LRFN5: variants seen among roughly 807,000 people sequenced by gnomAD.
LRFN5 encodes leucine rich repeat and fibronectin type III domain containing 5, also known as leucine-rich repeat and fibronectin type-III domain-containing protein 5.
LRFN5 carries 24 observed loss-of-function variants against 45.6 expected under a neutral mutation model. That is an observed-to-expected ratio of 0.53 (90% CI 0.38 to 0.74). The LOEUF (loss-of-function observed/expected upper bound fraction) is 0.74. Among genes scored for constraint, LRFN5 ranks in the 30% least tolerant of loss-of-function variants. The pLI is 0.00. For missense variants in LRFN5, 776 were observed against 861.5 expected, an observed-to-expected ratio of 0.90 and a Z score of 1.24; for synonymous variants, 340 against 313.8, an observed-to-expected ratio of 1.08 and a Z score of -0.88.
intron 3 of LRFN5, 144 bp from the exon 4 acceptor site, chr14:41,891,106 T>A (rs554776302): frequency 1.4e-6 from 1 of 700,482 alleles, no homozygotes; most frequent in Non-Finnish European, 2.4e-6. Context: ...TCAGTAAATA[T>A]GAGATTAGAT....
chr14:41,655,592 T>TC, intron 1 of LRFN5, among the ~76,000 whole-genome samples: 1 of 152,154 alleles, frequency 6.6e-6, no homozygotes, highest in South Asian at 2.1e-4. Flanking sequence ...AGTGACACCA[T>TC]CTGACATGGT....
At chr14:41,901,580 G>A (rs922829496) in intron 5 of LRFN5, among the ~76,000 whole-genome samples, 3 of 151,844 alleles carry the variant, frequency 2.0e-5, no homozygotes, top group African/African-American at 7.3e-5. Flanking sequence ...TTAATAACAA[G>A]CAAAAGTGTA....
intron 4 of LRFN5, among the ~76,000 whole-genome samples, chr14:41,898,397 A>T (rs1307907531): frequency 6.6e-6 from 1 of 152,106 alleles, no homozygotes; most frequent in Admixed American, 6.6e-5. Flanking sequence ...ACAAACAGGT[A>T]CTTGTTAAAA....
chr14:41,633,767 CAG>C (rs1888630735), intron 1 of LRFN5, among the ~76,000 whole-genome samples: 1 of 151,958 alleles, frequency 6.6e-6, no homozygotes, highest in Admixed American at 6.6e-5. Context: ...TTTTAAAAAA[CAG>C]TATAAAATAA....
At chr14:41,833,137 G>C (rs1282115385) in intron 2 of LRFN5, among the ~76,000 whole-genome samples, 2 of 152,116 alleles carry the variant, frequency 1.3e-5, no homozygotes, top group African/African-American at 2.4e-5. Flanking sequence ...GATAAGCCTT[G>C]ATAAGTAGAA....
intron 2 of LRFN5, among the ~76,000 whole-genome samples, chr14:41,773,223 C>T (rs1487373230): frequency 1.3e-5 from 2 of 152,168 alleles, no homozygotes; most frequent in East Asian, 3.9e-4. Context: ...CATATAATGT[C>T]ACCTCCCACC....
chr14:41,764,490 A>T (rs533531389), intron 1 of LRFN5, among the ~76,000 whole-genome samples: 1 of 152,174 alleles, frequency 6.6e-6, no homozygotes, highest in South Asian at 2.1e-4. Flanking sequence ...TCTCTGGGAA[A>T]TTATAATTTA....
intron 1 of LRFN5, among the ~76,000 whole-genome samples, chr14:41,662,342 T>C (rs1880694212): frequency 6.6e-6 from 1 of 152,000 alleles, no homozygotes; most frequent in Admixed American, 6.6e-5. Flanking sequence ...TTCGGGACTA[T>C]TAACTTAGAA....
intron 2 of LRFN5, among the ~76,000 whole-genome samples, chr14:41,858,888 A>G (rs1326017767): frequency 6.6e-6 from 1 of 152,186 alleles, no homozygotes; most frequent in Non-Finnish European, 1.5e-5. Flanking sequence ...CCTACTTTGT[A>G]GCATTGTTCT....
chr14:41,715,695 C>T (rs1566633634), intron 1 of LRFN5, among the ~76,000 whole-genome samples: 1 of 152,192 alleles, frequency 6.6e-6, no homozygotes, highest in South Asian at 2.1e-4. Flanking sequence ...AGTCTCCCTC[C>T]TGGCTGCTTC....
chr14:41,633,763 A>T (rs1386985383), intron 1 of LRFN5, among the ~76,000 whole-genome samples: 1 of 152,200 alleles, frequency 6.6e-6, no homozygotes, highest in Non-Finnish European at 1.5e-5. Flanking sequence ...AAAATTTTAA[A>T]AAACAGTATA....
chr14:41,648,532 T>C (rs969463304), intron 1 of LRFN5, among the ~76,000 whole-genome samples: 2 of 152,118 alleles, frequency 1.3e-5, no homozygotes, highest in Non-Finnish European at 1.5e-5. Context: ...GTCGTCAAAA[T>C]ACCTTAAAAC....
chr14:41,725,746 A>G (rs1403093794), intron 1 of LRFN5, among the ~76,000 whole-genome samples: 1 of 152,184 alleles, frequency 6.6e-6, no homozygotes, highest in African/African-American at 2.4e-5. Flanking sequence ...GCTTTACTTC[A>G]TGAAGTCTTT....
chr14:41,859,921 C>A (rs1439759776), intron 2 of LRFN5, among the ~76,000 whole-genome samples: 1 of 151,998 alleles, frequency 6.6e-6, no homozygotes, highest in African/African-American at 2.4e-5. Context: ...ATCACTATAC[C>A]CTTCTTTCTA....
intron 4 of LRFN5, 194 bp downstream of exon 4, chr14:41,892,156 C>A: frequency 1.0e-6 from 1 of 985,372 alleles, no homozygotes; most frequent in Non-Finnish European, 1.2e-6. Flanking sequence ...AGGCAACTCT[C>A]AAATTCTGAG....
chr14:41,785,079 G>A (rs1886670660), intron 2 of LRFN5, among the ~76,000 whole-genome samples: 1 of 151,896 alleles, frequency 6.6e-6, no homozygotes, highest in Admixed American at 6.6e-5. Context: ...AGCCACTCTA[G>A]CTTTTTTTTG....
At chr14:41,736,775 C>G (rs189099097) in intron 1 of LRFN5, among the ~76,000 whole-genome samples, 195 of 152,228 alleles carry the variant, frequency 1.3e-3, no homozygotes, top group African/African-American at 4.5e-3. Flanking sequence ...TTCCTGGACA[C>G]ATACACCCTT....
At chr14:41,775,081 C>G (rs1566432365) in intron 2 of LRFN5, among the ~76,000 whole-genome samples, 3 of 73,536 alleles carry the variant, frequency 4.1e-5, no homozygotes, top group African/African-American at 1.2e-4. Context: ...TTTGATGCTA[C>G]TTTTTCTTTT....
At chr14:41,726,126 G>A (rs191780765) in intron 1 of LRFN5, among the ~76,000 whole-genome samples, 43 of 152,206 alleles carry the variant, frequency 2.8e-4, no homozygotes, top group Middle Eastern at 3.4e-3. Flanking sequence ...TAAGTAGCTT[G>A]GCTTACAATT....
Sources: allele counts gnomAD v4.1 joint callset (sites outside exome capture counted in the v4.1 genomes callset), GRCh38; gene constraint gnomAD v4.1.1; transcripts MANE v1.5; gene names NCBI Gene and HGNC (gene_info 2026-07-23, HGNC 2026-07-21).